The following C1QTNF3 variants were observed in gnomAD, a reference collection of about 807,000 sequenced individuals.
C1QTNF3 encodes the protein complement C1q tumor necrosis factor-related protein 3.
A neutral mutation model predicts 32.6 loss-of-function variants in C1QTNF3; 26 were observed. That is an observed-to-expected ratio of 0.80 (90% CI 0.58 to 1.11). C1QTNF3 has a LOEUF of 1.11. C1QTNF3 is among the 50% of genes least tolerant of loss of function. The pLI, the probability that C1QTNF3 is intolerant of heterozygous loss-of-function variation, is 0.00. For synonymous variants in C1QTNF3, 155 were observed against 146.0 expected (o/e 1.06, Z -0.44); for missense variants, 362 against 398.2 (o/e 0.91, Z 0.77).
chr5:34,112,704 C>T, the C1QTNF3 span, among the ~76,000 whole-genome samples: 5 of 152,220 alleles, frequency 3.3e-5, 1 homozygote, highest in South Asian at 1.0e-3. Flanking sequence ...ATCACCATCC[C>T]TAAAGCAGTA....
chr5:34,061,319 CT>C, the C1QTNF3 span, among the ~76,000 whole-genome samples: 1 of 152,158 alleles, frequency 6.6e-6, no homozygotes, highest in Non-Finnish European at 1.5e-5. Context: ...GTATCTGTGG[CT>C]TTTCCAGGTG....
the C1QTNF3 span, among the ~76,000 whole-genome samples, chr5:34,111,843 C>A: frequency 6.6e-6 from 1 of 152,110 alleles, no homozygotes; most frequent in African/African-American, 2.4e-5. Context: ...GAATTATGGG[C>A]AATTACATTT....
At chr5:34,058,236 A>AC in the C1QTNF3 span, among the ~76,000 whole-genome samples, 70 of 150,392 alleles carry the variant, frequency 4.7e-4, 1 homozygote, top group South Asian at 0.015. Flanking sequence ...TCCCCACCAC[A>AC]CCCCTTTACC....
At chr5:34,145,824 T>C in the C1QTNF3 span, among the ~76,000 whole-genome samples, 4 of 152,046 alleles carry the variant, frequency 2.6e-5, no homozygotes, top group African/African-American at 4.8e-5. Context: ...CAAGGTTTTA[T>C]TCCTGCGATG....
the C1QTNF3 span, among the ~76,000 whole-genome samples, chr5:34,102,850 G>A: frequency 6.6e-6 from 1 of 152,206 alleles, no homozygotes; most frequent in South Asian, 2.1e-4. Flanking sequence ...GGGGCTGGGG[G>A]AGGGATAGCA....
chr5:34,068,241 GT>G, the C1QTNF3 span, among the ~76,000 whole-genome samples: 1 of 152,006 alleles, frequency 6.6e-6, no homozygotes, highest in African/African-American at 2.4e-5. Context: ...ATTCCTAGTG[GT>G]TTTTGCTTTA....
chr5:34,080,100 C>T, the C1QTNF3 span, among the ~76,000 whole-genome samples: 1 of 151,364 alleles, frequency 6.6e-6, no homozygotes, highest in Non-Finnish European at 1.5e-5. Flanking sequence ...AATCAAGCCT[C>T]GATAAAGCAG....
chr5:34,041,132 C>T (rs6888550), intron 1 of C1QTNF3, among the ~76,000 whole-genome samples: 80,989 of 151,836 alleles, frequency 0.53, 21,941 homozygotes, highest in African/African-American at 0.56. Flanking sequence ...AATTGAATTA[C>T]GATCAAAGAA....
the C1QTNF3 span, among the ~76,000 whole-genome samples, chr5:34,213,785 A>AGTGTGTG: frequency 2.2e-4 from 2 of 9,148 alleles, no homozygotes; most frequent in Non-Finnish European, 6.0e-4. Context: ...GTGTATATAT[A>AGTGTGTG]CATATATATA....
the C1QTNF3 span, among the ~76,000 whole-genome samples, chr5:34,220,537 A>G: frequency 2.0e-5 from 3 of 151,992 alleles, no homozygotes; most frequent in Non-Finnish European, 4.4e-5. Flanking sequence ...GCACAAGCAC[A>G]CACACACACA....
chr5:34,169,028 T>G, the C1QTNF3 span: 1 of 152,256 alleles, frequency 6.6e-6, no homozygotes, highest in Middle Eastern at 3.4e-3. Context: ...TATTCCCACC[T>G]TCGGTTCCTT....
chr5:34,236,570 CTTTTTTTT>C, the C1QTNF3 span, among the ~76,000 whole-genome samples: 1 of 27,292 alleles, frequency 3.7e-5, no homozygotes, highest in African/African-American at 7.0e-5. Context: ...TTTCTTTTTT[CTTTTTTTT>C]TTTTTTTTTT....
the C1QTNF3 span, among the ~76,000 whole-genome samples, chr5:34,110,561 C>A: frequency 2.0e-5 from 3 of 151,324 alleles, no homozygotes; most frequent in South Asian, 2.1e-4. Flanking sequence ...CTTAAAATTA[C>A]AATAAAATGT....
chr5:34,241,683 G>A, the C1QTNF3 span, among the ~76,000 whole-genome samples: 7 of 151,734 alleles, frequency 4.6e-5, no homozygotes, highest in East Asian at 3.9e-4. Context: ...CAGGTATATC[G>A]CTTGGACCCA....
At chr5:34,066,624 T>C in the C1QTNF3 span, among the ~76,000 whole-genome samples, 1 of 151,902 alleles carries the variant, frequency 6.6e-6, no homozygotes, top group East Asian at 1.9e-4. Flanking sequence ...AAATTTAAAA[T>C]AAATAATAAA....
chr5:34,215,911 G>A, the C1QTNF3 span, among the ~76,000 whole-genome samples: 1 of 152,164 alleles, frequency 6.6e-6, no homozygotes. Context: ...GGGATTATAG[G>A]TGTGAGCCAC....
At chr5:34,241,742 ATT>A in the C1QTNF3 span, among the ~76,000 whole-genome samples, 1 of 146,028 alleles carries the variant, frequency 6.8e-6, no homozygotes, top group Non-Finnish European at 1.5e-5. Flanking sequence ...ATCTATACAA[ATT>A]TTTTTTTTTT....
At chr5:34,223,889 T>A in the C1QTNF3 span, among the ~76,000 whole-genome samples, 1 of 152,124 alleles carries the variant, frequency 6.6e-6, no homozygotes, top group Non-Finnish European at 1.5e-5. Flanking sequence ...CATGATTGTA[T>A]ATCTAGAAAA....
the C1QTNF3 span, among the ~76,000 whole-genome samples, chr5:34,098,837 TTTTG>T: frequency 6.6e-6 from 1 of 152,026 alleles, no homozygotes. Flanking sequence ...TGTCTGCTGG[TTTTG>T]TTTGTATTGC....
Sources: allele counts gnomAD v4.1 joint callset (sites outside exome capture counted in the v4.1 genomes callset), GRCh38; gene constraint gnomAD v4.1.1; transcripts MANE v1.5; gene names NCBI Gene and HGNC (gene_info 2026-07-23, HGNC 2026-07-21).